The following PTPRG variants were observed in gnomAD, a reference collection of about 807,000 sequenced individuals.
The protein encoded by PTPRG is protein tyrosine phosphatase receptor type G, also known as receptor-type tyrosine-protein phosphatase gamma.
PTPRG carries 102 observed loss-of-function variants against 165.3 expected under a neutral mutation model. The ratio of observed to expected loss-of-function variants is 0.62; its 90% CI spans 0.53 to 0.73. The LOEUF is 0.73. Among genes scored for constraint, PTPRG ranks in the 30% least tolerant of loss-of-function variants. The pLI is 0.00. For missense variants in PTPRG, 1,866 were observed against 1,861.4 expected (o/e 1.00, Z -0.05); for synonymous variants, 675 against 669.5 (o/e 1.01, Z -0.13).
At chr3:61,619,855 A>G (rs1701400308) in intron 1 of PTPRG, among the ~76,000 whole-genome samples, 1 of 152,138 alleles carries the variant, frequency 6.6e-6, no homozygotes, top group African/African-American at 2.4e-5. Flanking sequence ...GAACCCTAGG[A>G]AGTCTAGCTT....
intron 5 of PTPRG, among the ~76,000 whole-genome samples, chr3:62,085,058 T>A (rs1701703296): frequency 6.6e-6 from 1 of 152,198 alleles, no homozygotes; most frequent in Non-Finnish European, 1.5e-5. Flanking sequence ...CTCTCTGAAG[T>A]TGAAGTCTGT....
At chr3:61,961,022 A>C (rs1173125951) in intron 2 of PTPRG, among the ~76,000 whole-genome samples, 1 of 152,162 alleles carries the variant, frequency 6.6e-6, no homozygotes, top group Non-Finnish European at 1.5e-5. Flanking sequence ...GCAGGGATCT[A>C]GTAAGGCTTC....
chr3:61,951,807 C>T (rs1264252631), intron 2 of PTPRG, among the ~76,000 whole-genome samples: 3 of 152,080 alleles, frequency 2.0e-5, no homozygotes, highest in African/African-American at 2.4e-5. Context: ...TAGCAAGTAA[C>T]GCAAACCCAA....
rs574213769 is a variant in PTPRG, at chr3:61,768,228, T to A, written c.190+19246T>A. On this transcript the variant is annotated intron_variant, in intron 2 of 29. Coordinates refer to ENST00000474889, the MANE Select transcript of PTPRG (RefSeq NM_002841.4). ...CCATTTATCACAACTAATCGTGAAC[T>A]TATATCTCTGTAACTCACAGGTATG... is the stretch of plus-strand genomic sequence containing the variant. Among the ~76,000 whole-genome samples the A allele has an allele frequency of 3.3e-5, 5 of 152,342 alleles. No homozygotes were observed. The South Asian group carries it at 1.0e-3, about 32-fold the overall frequency.
chr3:61,942,726 A>G (rs1019774174), intron 2 of PTPRG, among the ~76,000 whole-genome samples: 2 of 152,230 alleles, frequency 1.3e-5, no homozygotes, highest in Non-Finnish European at 2.9e-5. Flanking sequence ...TGTTACATTT[A>G]TGTTTACTGT....
At chr3:61,679,265 G>T (rs1021241592) in intron 1 of PTPRG, among the ~76,000 whole-genome samples, 1 of 152,186 alleles carries the variant, frequency 6.6e-6, no homozygotes. Context: ...GCCCAACTGC[G>T]CATTGGGTTC....
chr3:61,613,245 A>G (rs987555219), intron 1 of PTPRG, among the ~76,000 whole-genome samples: 1 of 152,172 alleles, frequency 6.6e-6, no homozygotes, highest in Non-Finnish European at 1.5e-5. Flanking sequence ...ATGCAGAGAG[A>G]TGAAAATATG....
intron 6 of PTPRG, among the ~76,000 whole-genome samples, chr3:62,138,590 G>A (rs986867484): frequency 6.6e-6 from 1 of 151,806 alleles, no homozygotes; most frequent in Non-Finnish European, 1.5e-5. Flanking sequence ...ATGGTGGCAC[G>A]CATCTGTAAT....
At position 62,190,456 on chromosome 3, in the gene PTPRG, T is replaced by C. The variant is rs935778274; in HGVS notation, c.1034-1013T>C. Among the ~76,000 whole-genome samples, 4 of 152,152 alleles carry C rather than the reference T, an allele frequency of 2.6e-5. No homozygotes were observed. The highest frequency in any genetic ancestry group is 4.4e-5 in the Non-Finnish European group (3 of 68,018). On this transcript the variant is annotated intron_variant, in intron 8 of 29. Transcript: ENST00000474889. The surrounding 1 kb of genome is among the most constrained non-coding windows in gnomAD (Gnocchi z 5.2). ...CTGGATTGGACCTGTTGAGCATTTG[T>C]ATAACTCATTCAGACCTGTCAAGGT...
At chr3:61,847,742 T>C (rs1205857702) in intron 2 of PTPRG, among the ~76,000 whole-genome samples, 1 of 151,946 alleles carries the variant, frequency 6.6e-6, no homozygotes, top group African/African-American at 2.4e-5. Context: ...AAATAAATGA[T>C]CTTTGAAAAA....
intron 2 of PTPRG, among the ~76,000 whole-genome samples, chr3:61,936,175 G>T (rs528239376): frequency 6.6e-6 from 1 of 152,152 alleles, no homozygotes; most frequent in Non-Finnish European, 1.5e-5. Flanking sequence ...GACTTTGGAC[G>T]TCCCATCTTC....
Position 61,562,184 on chromosome 3 carries a change from G to C in PTPRG, c.-104G>C. The stretch of plus-strand genomic sequence containing the variant: ...AGCGCGGGGGGCCCGTGGAGCGGGC[G>C]AGCCGGGGAAGCGCCCCGGCTTAGC... On this transcript the variant is annotated 5_prime_UTR_variant, in exon 1 of 30. Coordinates refer to ENST00000474889, the MANE Select transcript of PTPRG (RefSeq NM_002841.4). The C allele has an allele frequency of 9.4e-7, 1 of 1,068,938 alleles. No homozygotes were observed. Among genetic ancestry groups the C allele is most frequent in the South Asian group, 1.3e-5 (1 of 74,662 alleles). The allele number at this position is 1,068,938 out of a possible 1,614,324, so 66.2% of individuals were successfully genotyped here. A position where few individuals can be genotyped will look rare whatever the true frequency, so the allele number is the denominator to read the frequency against.
At chr3:62,023,688 T>G (rs1402625578) in intron 4 of PTPRG, among the ~76,000 whole-genome samples, 1 of 152,180 alleles carries the variant, frequency 6.6e-6, no homozygotes, top group African/African-American at 2.4e-5. Flanking sequence ...TATGGAAACC[T>G]AGGGAGACTG....
At chr3:62,060,211 C>CAAAA (rs3068431) in intron 4 of PTPRG, among the ~76,000 whole-genome samples, 8 of 131,492 alleles carry the variant, frequency 6.1e-5, no homozygotes, top group African/African-American at 2.3e-4. Context: ...GACCCTGTCT[C>CAAAA]AAAAAAAAAA....
At chr3:61,574,991 A>T (rs1700143309) in intron 1 of PTPRG, among the ~76,000 whole-genome samples, 1 of 152,200 alleles carries the variant, frequency 6.6e-6, no homozygotes, top group Non-Finnish European at 1.5e-5. Context: ...TGACTCAGAC[A>T]ACTTCCACTA....
chr3:61,882,828 A>T lies in PTPRG; in HGVS notation c.191-106797A>T, dbSNP rs548600602. ...ACCCACAGGAGGTATTTGCTGATTA[A>T]ATGGGTGCCCCATTCTCCTCTGTTC... On this transcript the variant is annotated intron_variant, in intron 2 of 29. Transcript: ENST00000474889. 3.3e-5 allele frequency among the ~76,000 whole-genome samples: 5 copies of T among 152,248 alleles called. No homozygotes were observed. The South Asian group carries it at 1.0e-3, about 32-fold the overall frequency.
intron 2 of PTPRG, among the ~76,000 whole-genome samples, chr3:61,832,808 G>T (rs1273032843): frequency 6.6e-6 from 1 of 152,148 alleles, no homozygotes; most frequent in Admixed American, 6.5e-5. Context: ...CATCACTTGA[G>T]CAGTATACAC....
intron 2 of PTPRG, among the ~76,000 whole-genome samples, chr3:61,961,904 T>TG (rs2040160867): frequency 6.6e-6 from 1 of 152,184 alleles, no homozygotes; most frequent in South Asian, 2.1e-4. Context: ...GGCTAGAGTT[T>TG]GAGAAGCATT....
At chr3:62,055,309 A>G (rs1048948048) in intron 4 of PTPRG, among the ~76,000 whole-genome samples, 9 of 152,222 alleles carry the variant, frequency 5.9e-5, no homozygotes, top group Admixed American at 4.6e-4. Context: ...GTGTTAAAAA[A>G]TGTAAAGGCA....
Sources: allele counts gnomAD v4.1 joint callset (sites outside exome capture counted in the v4.1 genomes callset), GRCh38; gene constraint gnomAD v4.1.1; non-coding constraint Gnocchi (gnomAD v3.1); transcripts MANE v1.5; gene names NCBI Gene and HGNC (gene_info 2026-07-23, HGNC 2026-07-21).